CDC42BPA: variants seen among roughly 807,000 people sequenced by gnomAD.
CDC42BPA encodes CDC42 binding protein kinase alpha, also known as serine/threonine-protein kinase MRCK alpha.
A neutral mutation model predicts 223.5 loss-of-function variants in CDC42BPA; 80 were observed. The ratio of observed to expected loss-of-function variants is 0.36; its 90% CI spans 0.30 to 0.43. The LOEUF (loss-of-function observed/expected upper bound fraction) is 0.43, where lower values mean the gene tolerates loss of function less well. Among genes scored for constraint, CDC42BPA ranks in the 20% least tolerant of loss-of-function variants. The pLI is 1.00. For synonymous variants in CDC42BPA, 694 were observed against 718.6 expected, an observed-to-expected ratio of 0.97 and a Z score of 0.55; for missense variants, 1,743 against 2,099.9, an observed-to-expected ratio of 0.83 and a Z score of 3.32.
intron 5 of CDC42BPA, among the ~76,000 whole-genome samples, chr1:227,162,866 A>ATGTGTGTGTG (rs71574598): frequency 0.016 from 2,028 of 127,230 alleles, 32 homozygotes; most frequent in African/African-American, 0.038. Context: ...AAATAAATAT[A>ATGTGTGTGTG]TATGTGTGTG....
chr1:227,016,501 T>C (rs1004769181), intron 33 of CDC42BPA, among the ~76,000 whole-genome samples: 5 of 152,186 alleles, frequency 3.3e-5, no homozygotes, highest in African/African-American at 1.2e-4. Flanking sequence ...TTAAAAATGA[T>C]TGGTAACACT....
chr1:227,074,237 A>T, intron 18 of CDC42BPA, 22 bp downstream of exon 18: 1 of 1,542,528 alleles, frequency 6.5e-7, no homozygotes, highest in Non-Finnish European at 8.9e-7. Flanking sequence ...ATAAGCCTCC[A>T]TGCAAAATCA....
At chr1:227,066,117 G>A (rs954753839) in intron 21 of CDC42BPA, among the ~76,000 whole-genome samples, 2 of 152,182 alleles carry the variant, frequency 1.3e-5, no homozygotes, top group Non-Finnish European at 2.9e-5. Flanking sequence ...GCAGCCGGGC[G>A]TGGTGGCTCA....
At chr1:227,252,733 C>T (rs144108207) in intron 2 of CDC42BPA, among the ~76,000 whole-genome samples, 102 of 151,230 alleles carry the variant, frequency 6.7e-4, no homozygotes, top group Middle Eastern at 3.4e-3. Context: ...GATTGTTTAA[C>T]ATCTGAAAAT....
intron 1 of CDC42BPA, among the ~76,000 whole-genome samples, chr1:227,315,334 A>C (rs1694196404): frequency 6.6e-6 from 1 of 152,104 alleles, no homozygotes. Flanking sequence ...AATACAGCGA[A>C]ATATCTCATA....
intron 10 of CDC42BPA, among the ~76,000 whole-genome samples, chr1:227,133,189 G>T (rs1341389035): frequency 7.0e-6 from 1 of 142,502 alleles, no homozygotes; most frequent in Admixed American, 6.9e-5. Flanking sequence ...CTGCCTGGCC[G>T]GCTGCCCCGT....
At chr1:227,082,388 C>A (rs1680875555) in intron 16 of CDC42BPA, among the ~76,000 whole-genome samples, 1 of 151,880 alleles carries the variant, frequency 6.6e-6, no homozygotes, top group South Asian at 2.1e-4. Context: ...GGTTCCCCTG[C>A]AACACCTTTA....
At chr1:227,225,901 G>A (rs1344406141) in intron 2 of CDC42BPA, among the ~76,000 whole-genome samples, 1 of 152,222 alleles carries the variant, frequency 6.6e-6, no homozygotes, top group Non-Finnish European at 1.5e-5. Context: ...CTTGGGCAAA[G>A]CATGCTGCTC....
In CDC42BPA at chr1:227,034,800, TTTTG is replaced by T; in HGVS notation, c.3337-10_3337-7del. The T allele has an allele frequency of 6.7e-7, 1 of 1,484,790 alleles. No individual in the cohort carries two copies. Among genetic ancestry groups the T allele is most frequent in the Non-Finnish European group, 8.9e-7 (1 of 1,125,794 alleles). 92.0% of individuals were successfully genotyped at this position (1,484,790 alleles called of 1,614,324 possible). A position where few individuals can be genotyped will look rare whatever the true frequency, so the allele number is the denominator to read the frequency against. Reference sequence around the variant, plus strand: ...ACTCCAGCTGGCTTAGGAATCTTAGTTTTGTTTTAGACAGACAAACAGCCAAAAC... The same window carrying T: ...ACTCCAGCTGGCTTAGGAATCTTAGTTTTTAGACAGACAAACAGCCAAAAC... On this transcript the variant is annotated splice_polypyrimidine_tract_variant and splice_region_variant and intron_variant, in intron 25 of 36. Coordinates refer to ENST00000366766, the MANE Select transcript of CDC42BPA (RefSeq NM_001394014.1).
intron 16 of CDC42BPA, among the ~76,000 whole-genome samples, chr1:227,090,088 C>G (rs577280086): frequency 6.6e-6 from 1 of 152,210 alleles, no homozygotes; most frequent in African/African-American, 2.4e-5. Flanking sequence ...AAAGTTCATG[C>G]ACTATTCATG....
At chr1:227,081,122 G>A in intron 16 of CDC42BPA, 105 bp from the exon 17 acceptor site, 2 of 1,088,724 alleles carry the variant, frequency 1.8e-6, no homozygotes, top group African/African-American at 3.1e-5. Context: ...ACCCAAAAAT[G>A]CCTGTCTTAT....
intron 12 of CDC42BPA, among the ~76,000 whole-genome samples, chr1:227,117,249 T>C (rs1390371739): frequency 6.6e-6 from 1 of 152,082 alleles, no homozygotes; most frequent in Non-Finnish European, 1.5e-5. Flanking sequence ...GTAATAAATA[T>C]AGATAGTAAG....
At chr1:227,046,305 T>C (rs1672438416) in intron 23 of CDC42BPA, among the ~76,000 whole-genome samples, 1 of 152,072 alleles carries the variant, frequency 6.6e-6, no homozygotes, top group African/African-American at 2.4e-5. Context: ...GATAGGTCTT[T>C]TCTGGGCCAT....
intron 2 of CDC42BPA, among the ~76,000 whole-genome samples, chr1:227,237,078 G>A (rs1478197123): frequency 7.0e-6 from 1 of 142,280 alleles, no homozygotes; most frequent in African/African-American, 2.6e-5. Flanking sequence ...CGTCTCATAT[G>A]TATTCTTTCC....
At position 227,028,805 on chromosome 1, in the gene CDC42BPA, T is replaced by C. The variant is rs1419160573; in HGVS notation, c.4284A>G (p.Ala1428=). The change falls in exon 30 of 37, where the codon GCA becomes GCG. Residue 1428 remains alanine (A), a synonymous_variant. Transcript: ENST00000366766. ...HSNDHTLSFI[A]HQPMDAICAV... is the part of the protein sequence containing the mutation. ...CGCAGATAGCATCCATTGGTTGATG[T>C]GCAATAAATGATAGTGTATGGTCAT... 8.7e-6 allele frequency: 14 copies of C among 1,614,004 alleles called. No homozygotes were observed. Among genetic ancestry groups the C allele is most frequent in the African/African-American group, 1.3e-5 (1 of 75,046 alleles).
chr1:227,199,181 G>T (rs1051664513), intron 4 of CDC42BPA, among the ~76,000 whole-genome samples: 1 of 152,184 alleles, frequency 6.6e-6, no homozygotes, highest in East Asian at 1.9e-4. Flanking sequence ...TTCTGGAAAT[G>T]ATTATTTTAA....
At chr1:227,083,360 AT>A (rs1257383805) in intron 16 of CDC42BPA, among the ~76,000 whole-genome samples, 1 of 151,862 alleles carries the variant, frequency 6.6e-6, no homozygotes, top group Admixed American at 6.6e-5. Context: ...TCTTTTAGTT[AT>A]TTAATTTTTT....
intron 1 of CDC42BPA, among the ~76,000 whole-genome samples, chr1:227,309,203 C>CAAAAAAAAAAA (rs35336462): frequency 7.7e-6 from 1 of 130,044 alleles, no homozygotes. Flanking sequence ...CTATCTCTAC[C>CAAAAAAAAAAA]AAAAAAAAAA....
At chr1:227,249,795 A>G (rs971746203) in intron 2 of CDC42BPA, among the ~76,000 whole-genome samples, 1 of 152,234 alleles carries the variant, frequency 6.6e-6, no homozygotes, top group Non-Finnish European at 1.5e-5. Flanking sequence ...AAGGCAGGCA[A>G]TAACAAATGC....
Sources: gnomAD v4.1 joint callset for allele counts (sites outside exome capture counted in the v4.1 genomes callset) on GRCh38, gnomAD v4.1.1 for gene constraint, MANE v1.5 for transcripts, NCBI Gene and HGNC (gene_info 2026-07-23, HGNC 2026-07-21) for gene names.